MARK2: variants seen among roughly 807,000 people sequenced by gnomAD.
MARK2 encodes the protein serine/threonine-protein kinase MARK2.
Under a neutral mutation model 89.8 loss-of-function variants are expected in MARK2, and 16 were observed. The ratio of observed to expected loss-of-function variants is 0.18; its 90% CI spans 0.12 to 0.27. The LOEUF (loss-of-function observed/expected upper bound fraction) is 0.27, where lower values mean the gene tolerates loss of function less well. Among genes scored for constraint, MARK2 ranks in the 10% least tolerant of loss-of-function variants. The pLI is 1.00. For synonymous variants in MARK2, 382 were observed against 399.5 expected (o/e 0.96, Z 0.52); for missense variants, 621 against 1,049.9 (o/e 0.59, Z 5.65).
At chr11:63,869,197 C>T (rs1938306352) in intron 1 of MARK2, 1 of 203,224 alleles carries the variant, frequency 4.9e-6, no homozygotes, top group Non-Finnish European at 1.0e-5. Context: ...GTATCTGCCT[C>T]CCTGCTCCCC....
At chr11:63,855,168 G>A (rs1332682641) in intron 1 of MARK2, among the ~76,000 whole-genome samples, 2 of 152,030 alleles carry the variant, frequency 1.3e-5, no homozygotes, top group Non-Finnish European at 2.9e-5. Context: ...TGGAAATTCT[G>A]CACAATTCAG....
In MARK2 at chr11:63,903,921, C is replaced by T. The variant is rs1941104885; in HGVS notation, c.1515-65C>T. On this transcript the variant is annotated intron_variant, in intron 14 of 18. Transcript: ENST00000402010. This position sits in a 1 kb window ranked among gnomAD's most constrained non-coding sequence, Gnocchi z 5.1. ...CTGGCCCTTCCCCTGCCCTTGCTTC[C>T]TAATCCAGGCCTCCCGCCCTCACTC... is the stretch of plus-strand genomic sequence containing the variant. 7.0e-7 allele frequency: 1 copy of T among 1,433,600 alleles called. No individual in the cohort carries two copies. Among genetic ancestry groups the T allele is most frequent in the Non-Finnish European group, 9.4e-7 (1 of 1,061,240 alleles). The allele number at this position is 1,433,600 out of a possible 1,614,324, so 88.8% of individuals were successfully genotyped here. A position where few individuals can be genotyped will look rare whatever the true frequency, so the allele number is the denominator to read the frequency against.
intron 1 of MARK2, chr11:63,888,691 C>T (rs1484223917): frequency 8.4e-7 from 1 of 1,186,044 alleles, no homozygotes; most frequent in Non-Finnish European, 1.1e-6. Flanking sequence ...CTTGCCAAAC[C>T]CAGTCTCTCT....
intron 1 of MARK2, among the ~76,000 whole-genome samples, chr11:63,874,800 A>G (rs904164954): frequency 6.6e-6 from 1 of 152,166 alleles, no homozygotes; most frequent in Non-Finnish European, 1.5e-5. Context: ...GTCACTTGAC[A>G]TGGTAGAGCT....
chr11:63,903,038 C>T lies in MARK2; in HGVS notation c.1417-23C>T, dbSNP rs774791318. ...AGACCACTTTGGCTTTCTGATAGAA[C>T]GCTTGCCCTTTATTCCCCACAGAAC... On this transcript the variant is annotated intron_variant, in intron 13 of 18. Coordinates refer to ENST00000402010, the MANE Select transcript of MARK2 (RefSeq NM_001039469.3). This position sits in a 1 kb window ranked among gnomAD's most constrained non-coding sequence, Gnocchi z 5.1. 31 of 1,603,722 alleles carry T rather than the reference C, an allele frequency of 1.9e-5. No homozygotes were observed. The highest frequency in any genetic ancestry group is 8.8e-5 in the South Asian group (8 of 90,862).
At chr11:63,844,075 C>T (rs546897925) in intron 1 of MARK2, among the ~76,000 whole-genome samples, 8 of 152,272 alleles carry the variant, frequency 5.3e-5, no homozygotes, top group African/African-American at 1.2e-4. Context: ...GTGTCACTTT[C>T]GGCTTGGCCC....
chr11:63,889,403 A>G (rs1679605742), intron 1 of MARK2, among the ~76,000 whole-genome samples: 1 of 152,206 alleles, frequency 6.6e-6, no homozygotes, highest in Non-Finnish European at 1.5e-5. Context: ...CGGGAAGCCA[A>G]AGGACACTTG....
At position 63,902,288 on chromosome 11, in the gene MARK2, A is replaced by T; in HGVS notation, c.1192A>T (p.Ser398Cys). ...APSPSHKVQR[S>C]VSANPKQRRF... Reference sequence around the variant, plus strand: ...ATCCCCATCCCACAAGGTACAGCGCAGCGTGTCGGCCAATCCCAAGCAGCG... The same window carrying T: ...ATCCCCATCCCACAAGGTACAGCGCTGCGTGTCGGCCAATCCCAAGCAGCG... Residue 398 changes from serine to cysteine, a missense_variant, in exon 12 of 19, where the codon AGC (serine) becomes TGC (cysteine). Ser to Cys is a moderately radical substitution (Grantham distance 112, BLOSUM62 -1). Around this residue, in one of 5 missense-constraint regions of MARK2, gnomAD observed 397 missense variants for 567.8 expected, o/e 0.70. Coordinates refer to ENST00000402010, the MANE Select transcript of MARK2 (RefSeq NM_001039469.3). This position sits in a 1 kb window ranked among gnomAD's most constrained non-coding sequence, Gnocchi z 4.2. 1 of 1,614,158 alleles carries T rather than the reference A, an allele frequency of 6.2e-7. No individual in the cohort carries two copies. Among genetic ancestry groups the T allele is most frequent in the East Asian group, 2.2e-5 (1 of 44,888 alleles).
intron 1 of MARK2, chr11:63,888,940 A>G: frequency 7.4e-7 from 1 of 1,351,570 alleles, no homozygotes; most frequent in South Asian, 1.1e-5. Flanking sequence ...AGTCGCTGGT[A>G]GTCCTTTTCC....
Position 63,884,689 on chromosome 11 carries a change from G to A in MARK2, c.55-10470G>A, listed in dbSNP as rs190797496. Among the ~76,000 whole-genome samples, 197 of 152,306 alleles carry A rather than the reference G, an allele frequency of 1.3e-3. 1 individual carries two copies. The Middle Eastern group carries it at 0.024, about 18-fold the overall frequency. Reference sequence around the variant, plus strand: ...ACAGTCACAGTTAATTTTGGGGGTGGGAGCATCCAGGCTTTCCACTGGTGA... The same window carrying A: ...ACAGTCACAGTTAATTTTGGGGGTGAGAGCATCCAGGCTTTCCACTGGTGA... On this transcript the variant is annotated intron_variant, in intron 1 of 18. Transcript: ENST00000402010.
chr11:63,849,322 A>G (rs1362134590), intron 1 of MARK2, among the ~76,000 whole-genome samples: 3 of 152,200 alleles, frequency 2.0e-5, no homozygotes, highest in Non-Finnish European at 4.4e-5. Context: ...CTCCAGTCAC[A>G]GGAAGTGGGG....
chr11:63,895,658 CTTTTTTTTTTTTTTT>C lies in MARK2; in HGVS notation c.288+39_288+53del, dbSNP rs544118942. The C allele has an allele frequency of 3.3e-3, 3,744 of 1,151,494 alleles. 9 individuals are homozygous for C. The highest frequency in any genetic ancestry group is 3.6e-3 in the Non-Finnish European group (3,052 of 838,152). 71.3% of individuals were successfully genotyped at this position (1,151,494 alleles called of 1,614,324 possible). ...AGTAAGCACATGGCACCTCCTGTCC[CTTTTTTTTTTTTTTT>C]TTTTTTTTTTTTTGAGTCAGAGCCT... is the stretch of plus-strand genomic sequence containing the variant. On this transcript the variant is annotated intron_variant, in intron 3 of 18. Transcript: ENST00000402010.
chr11:63,864,283 A>G (rs1937999590), intron 1 of MARK2, among the ~76,000 whole-genome samples: 1 of 124,712 alleles, frequency 8.0e-6, no homozygotes, highest in Non-Finnish European at 1.7e-5. Flanking sequence ...ATGGAGTTTC[A>G]CTCTTGTTGC....
At position 63,909,145 on chromosome 11, in the gene MARK2, T is replaced by C; in HGVS notation, c.2275T>C (p.Ser759Pro). The C allele has an allele frequency of 6.2e-7, 1 of 1,613,984 alleles. No homozygotes were observed. The highest frequency in any genetic ancestry group is 8.5e-7 in the Non-Finnish European group (1 of 1,179,892). Reference sequence around the variant, plus strand: ...GGAGGTGTGCAAACTGCCGCGGCTCTCTCTCAACGGGGTTCGATTTAAGCG... The same window carrying C: ...GGAGGTGTGCAAACTGCCGCGGCTCCCTCTCAACGGGGTTCGATTTAAGCG... The part of the protein sequence containing the change: ...EMEVCKLPRL[S>P]LNGVRFKRIS... Residue 759 changes from serine (S) to proline (P), a missense_variant, in exon 19 of 19, where the codon TCT (serine) becomes CCT (proline). Physicochemically the swap from Ser to Pro is moderately conservative, Grantham distance 74. Transcript: ENST00000402010.
intron 1 of MARK2, among the ~76,000 whole-genome samples, chr11:63,856,328 TTTTTTTTTTA>T (rs2016843718): frequency 6.7e-6 from 1 of 149,538 alleles, no homozygotes; most frequent in Admixed American, 6.7e-5. Flanking sequence ...TTTGTTTTTT[TTTTTTTTTTA>T]AATATATGGC....
intron 1 of MARK2, among the ~76,000 whole-genome samples, chr11:63,862,935 G>A (rs1158921316): frequency 6.6e-6 from 1 of 152,110 alleles, no homozygotes; most frequent in Non-Finnish European, 1.5e-5. Flanking sequence ...TTTGTCTCTA[G>A]GAAGCAAACT....
Position 63,908,318 on chromosome 11 carries a change from A to T in MARK2, c.2006+14A>T, listed in dbSNP as rs1440909706. 6.4e-7 allele frequency: 1 copy of T among 1,557,164 alleles called. No homozygotes were observed. Among genetic ancestry groups the T allele is most frequent in the Non-Finnish European group, 8.7e-7 (1 of 1,149,480 alleles). ...GGAGACGCTCAGGTGAGAGGGCTGG[A>T]GCCAGCACTGGCCCTGCCCGGGCCA... is the stretch of plus-strand genomic sequence containing the variant. On this transcript the variant is annotated intron_variant, in intron 18 of 18. Transcript: ENST00000402010.
intron 1 of MARK2, 126 bp downstream of exon 1, chr11:63,839,686 C>T (rs1214232994): frequency 6.0e-6 from 4 of 666,708 alleles, no homozygotes; most frequent in African/African-American, 1.9e-5. Context: ...CCCTGTCATC[C>T]GGCTCCTGGC....
chr11:63,839,470 C>A lies in MARK2; in HGVS notation c.-37C>A. 7.0e-7 allele frequency: 1 copy of A among 1,421,204 alleles called. No homozygotes were observed. The highest frequency in any genetic ancestry group is 9.6e-7 in the Non-Finnish European group (1 of 1,037,998). The allele number at this position is 1,421,204 out of a possible 1,614,324, so 88.0% of individuals were successfully genotyped here. ...GCGCCTTCCCTTCCCTCCCTTCCTC[C>A]AAGCTTCTCGGTTCCCTCCCCCGAG... On this transcript the variant is annotated 5_prime_UTR_variant, in exon 1 of 19. Transcript: ENST00000402010.
Sources: allele counts gnomAD v4.1 joint callset (sites outside exome capture counted in the v4.1 genomes callset), GRCh38; gene constraint gnomAD v4.1.1; regional missense constraint gnomAD v4.1.1; non-coding constraint Gnocchi (gnomAD v3.1); transcripts MANE v1.5; gene names NCBI Gene and HGNC (gene_info 2026-07-23, HGNC 2026-07-21).